The following TTBK2 variants were observed in gnomAD, a reference collection of about 807,000 sequenced individuals.
TTBK2 encodes tau tubulin kinase 2, also known as tau-tubulin kinase 2.
TTBK2 carries 28 observed loss-of-function variants against 110.8 expected under a neutral mutation model. The ratio of observed to expected loss-of-function variants is 0.25; its 90% confidence interval spans 0.19 to 0.35. The LOEUF is 0.35. Ranked by LOEUF, TTBK2 falls within the 10% of genes least tolerant of loss-of-function variation. The pLI is 1.00. For synonymous variants in TTBK2, 532 were observed against 527.3 expected (o/e 1.01, Z -0.12); for missense variants, 1,369 against 1,500.3 (o/e 0.91, Z 1.45).
intron 7 of TTBK2, among the ~76,000 whole-genome samples, chr15:42,812,079 T>C (rs781206877): frequency 5.3e-5 from 8 of 152,188 alleles, no homozygotes; most frequent in Non-Finnish European, 1.0e-4. Flanking sequence ...AAGAGAACTC[T>C]TAAAAGCTAT....
chr15:42,852,435 G>A (rs1029415205), intron 3 of TTBK2, among the ~76,000 whole-genome samples: 8 of 152,022 alleles, frequency 5.3e-5, no homozygotes, highest in South Asian at 4.2e-4. Flanking sequence ...CAATACAATG[G>A]GTATAAAGGG....
intron 3 of TTBK2, among the ~76,000 whole-genome samples, chr15:42,840,937 T>C (rs1893195256): frequency 6.6e-6 from 1 of 152,140 alleles, no homozygotes; most frequent in South Asian, 2.1e-4. Flanking sequence ...CCCAAAAATG[T>C]GCTGGCTGGG....
chr15:42,762,091 T>C (rs1333712198), intron 13 of TTBK2, among the ~76,000 whole-genome samples: 1 of 152,210 alleles, frequency 6.6e-6, no homozygotes, highest in African/African-American at 2.4e-5. Flanking sequence ...TCCACCATGA[T>C]TGTGAGGCCT....
intron 3 of TTBK2, among the ~76,000 whole-genome samples, chr15:42,858,825 G>A (rs1206083676): frequency 2.0e-5 from 3 of 152,300 alleles, no homozygotes; most frequent in African/African-American, 7.2e-5. Flanking sequence ...AACTTCAGGG[G>A]TACCTAGTCA....
intron 9 of TTBK2, among the ~76,000 whole-genome samples, chr15:42,797,021 T>C (rs1296065288): frequency 6.6e-6 from 1 of 152,142 alleles, no homozygotes; most frequent in African/African-American, 2.4e-5. Flanking sequence ...ATGTCAGAGG[T>C]AGAGGGCCGT....
At chr15:42,889,325 C>A (rs1895363958) in intron 1 of TTBK2, among the ~76,000 whole-genome samples, 1 of 152,164 alleles carries the variant, frequency 6.6e-6, no homozygotes, top group Non-Finnish European at 1.5e-5. Context: ...AGAGGCCTTT[C>A]CCACAGGATC....
At chr15:42,761,061 C>T (rs2062018786) in intron 13 of TTBK2, among the ~76,000 whole-genome samples, 1 of 152,134 alleles carries the variant, frequency 6.6e-6, no homozygotes, top group Admixed American at 6.5e-5. Flanking sequence ...TTGACAAAGG[C>T]ACCACAGCAT....
At chr15:42,777,983 G>T (rs1890005321) in intron 11 of TTBK2, among the ~76,000 whole-genome samples, 1 of 151,078 alleles carries the variant, frequency 6.6e-6, no homozygotes, top group Admixed American at 6.6e-5. Flanking sequence ...CCCAATTTAG[G>T]TCTCCAGAAC....
At chr15:42,908,392 G>A (rs1291605602) in intron 1 of TTBK2, 2 of 152,224 alleles carry the variant, frequency 1.3e-5, no homozygotes, top group Non-Finnish European at 2.9e-5. Context: ...TATTGCTTGA[G>A]CCTAGGAGTT....
chr15:42,849,235 T>C (rs1341391855), intron 3 of TTBK2, among the ~76,000 whole-genome samples: 7 of 152,194 alleles, frequency 4.6e-5, no homozygotes, highest in African/African-American at 1.4e-4. Flanking sequence ...GAATCTTTCA[T>C]CTATCATGTC....
chr15:42,824,939 T>C (rs1426810049), intron 6 of TTBK2, among the ~76,000 whole-genome samples: 2 of 151,630 alleles, frequency 1.3e-5, no homozygotes, highest in African/African-American at 4.9e-5. Flanking sequence ...ATAATAATAA[T>C]AATAAAATAA....
chr15:42,905,889 A>G (rs2030361311), intron 1 of TTBK2, among the ~76,000 whole-genome samples: 1 of 152,160 alleles, frequency 6.6e-6, no homozygotes, highest in South Asian at 2.1e-4. Context: ...TAGTATACTG[A>G]CTGTGCTCAA....
chr15:42,799,861 AG>A (rs1408341687), intron 9 of TTBK2, among the ~76,000 whole-genome samples: 1 of 152,172 alleles, frequency 6.6e-6, no homozygotes, highest in Non-Finnish European at 1.5e-5. Context: ...ATTTTTCAAA[AG>A]CAAATTATTC....
chr15:42,900,135 G>A (rs1330923723), intron 1 of TTBK2, among the ~76,000 whole-genome samples: 1 of 151,354 alleles, frequency 6.6e-6, no homozygotes, highest in Non-Finnish European at 1.5e-5. Context: ...TGGGATTACA[G>A]GCACCCACCA....
At chr15:42,771,906 G>T (rs1017940537) in intron 13 of TTBK2, among the ~76,000 whole-genome samples, 1 of 152,118 alleles carries the variant, frequency 6.6e-6, no homozygotes, top group Non-Finnish European at 1.5e-5. Context: ...GATTCTCCCT[G>T]TCCTGAGGCT....
In TTBK2 at chr15:42,835,767, T is replaced by C. The variant is rs1454916962; in HGVS notation, c.291+4593A>G. Among the ~76,000 whole-genome samples, 4 of 150,488 alleles carry C rather than the reference T, an allele frequency of 2.7e-5. No homozygotes were observed. The East Asian group carries it at 7.7e-4, about 29-fold the overall frequency. On this transcript the variant is annotated intron_variant, in intron 4 of 14. Transcript: ENST00000267890. ...AAAAAGAGTTCTTGTCTTCTAGAAA[T>C]GTATATATAGATAAAATATGCCTTG...
chr15:42,764,472 C>T (rs981966197), intron 13 of TTBK2, among the ~76,000 whole-genome samples: 1 of 152,254 alleles, frequency 6.6e-6, no homozygotes, highest in Non-Finnish European at 1.5e-5. Flanking sequence ...CCAGGCTCAG[C>T]GGGTCCCACG....
intron 3 of TTBK2, among the ~76,000 whole-genome samples, chr15:42,850,139 T>C (rs1893637160): frequency 2.0e-5 from 3 of 152,092 alleles, no homozygotes; most frequent in Non-Finnish European, 2.9e-5. Context: ...CCTGCCCCCA[T>C]TGAGGCCACT....
At chr15:42,871,351 C>T (rs1210790173) in intron 3 of TTBK2, 4 of 752,044 alleles carry the variant, frequency 5.3e-6, no homozygotes, top group Non-Finnish European at 6.5e-6. Flanking sequence ...CTAAACTGAT[C>T]TTCAAGTTTT....
Sources: gnomAD v4.1 joint callset for allele counts (sites outside exome capture counted in the v4.1 genomes callset) on GRCh38, gnomAD v4.1.1 for gene constraint, MANE v1.5 for transcripts, NCBI Gene and HGNC (gene_info 2026-07-23, HGNC 2026-07-21) for gene names.